The following SGPP2 variants were observed in gnomAD, a reference collection of about 807,000 sequenced individuals.
SGPP2 encodes sphingosine 1-phosphate phosphohydrolase 2.
SGPP2 carries 30 observed loss-of-function variants against 33.9 expected under a neutral mutation model. The ratio of observed to expected loss-of-function variants is 0.89; its 90% CI spans 0.66 to 1.20. The LOEUF is 1.20. Ranked by LOEUF, SGPP2 falls within the 50% of genes most tolerant of loss-of-function variation. The pLI is 0.00. For synonymous variants in SGPP2, 233 were observed against 225.0 expected (o/e 1.04, Z -0.32); for missense variants, 458 against 532.1 (o/e 0.86, Z 1.37).
At chr2:222,463,358 C>T (rs1697694718) in intron 1 of SGPP2, among the ~76,000 whole-genome samples, 1 of 152,172 alleles carries the variant, frequency 6.6e-6, no homozygotes, top group African/African-American at 2.4e-5. Flanking sequence ...CGGCTGAGCA[C>T]AGTAGCCTAT....
intron 1 of SGPP2, among the ~76,000 whole-genome samples, chr2:222,456,663 C>G (rs1204545609): frequency 6.6e-6 from 1 of 152,204 alleles, no homozygotes; most frequent in African/African-American, 2.4e-5. Flanking sequence ...GGATGGATGA[C>G]AGATTCTAAG....
Position 222,476,722 on chromosome 2 carries a change from A to ATGTGTGTATATAGGTG in SGPP2, c.378+2008_378+2023dup, listed in dbSNP as rs1697939923. Among the ~76,000 whole-genome samples the ATGTGTGTATATAGGTG allele has an allele frequency of 6.6e-6, 1 of 150,844 alleles. No homozygotes were observed. The highest frequency in any genetic ancestry group is 6.6e-5 in the Admixed American group (1 of 15,164). On this transcript the variant is annotated intron_variant, in intron 2 of 4. Transcript: ENST00000321276. This position sits in a 1 kb window ranked among gnomAD's most constrained non-coding sequence, Gnocchi z 4.3. The stretch of plus-strand genomic sequence containing the variant: ...GTAAGGTATAACTGTATATATATGT[A>ATGTGTGTATATAGGTG]TGTGTGTATATAGGTGTGTGTGTAT...
intron 1 of SGPP2, among the ~76,000 whole-genome samples, chr2:222,447,828 A>G (rs1006930326): frequency 6.6e-6 from 1 of 152,208 alleles, no homozygotes; most frequent in African/African-American, 2.4e-5. Flanking sequence ...AGCCTCTTCA[A>G]TGCTGAGCTC....
At chr2:222,448,862 A>G (rs1244131847) in intron 1 of SGPP2, among the ~76,000 whole-genome samples, 1 of 152,198 alleles carries the variant, frequency 6.6e-6, no homozygotes, top group Non-Finnish European at 1.5e-5. Context: ...CCTAATTATG[A>G]CAGCAGTCCA....
At chr2:222,545,942 A>T (rs1689187504) in intron 4 of SGPP2, among the ~76,000 whole-genome samples, 1 of 152,176 alleles carries the variant, frequency 6.6e-6, no homozygotes, top group African/African-American at 2.4e-5. Flanking sequence ...GAATTGATGC[A>T]CGCTGATTGG....
chr2:222,485,526 T>C (rs967616914), intron 2 of SGPP2, among the ~76,000 whole-genome samples: 1 of 152,230 alleles, frequency 6.6e-6, no homozygotes, highest in Non-Finnish European at 1.5e-5. Context: ...GGCTTGTCAT[T>C]CCTGGGCCCA....
At chr2:222,426,209 C>CAAAA (rs59881994) in intron 1 of SGPP2, among the ~76,000 whole-genome samples, 24 of 58,656 alleles carry the variant, frequency 4.1e-4, no homozygotes, top group East Asian at 2.0e-3. Flanking sequence ...GACTCCGTCT[C>CAAAA]AAAAAAAAAA....
Position 222,559,156 on chromosome 2 carries a change from A to AC in SGPP2, c.*260dup, listed in dbSNP as rs1559180260. 8 of 56,688 alleles carry AC rather than the reference A, an allele frequency of 1.4e-4. 1 individual carries two copies. The highest frequency in any genetic ancestry group is 2.1e-4 in the Non-Finnish European group (7 of 32,638). The allele number at this position is 56,688 out of a possible 1,614,324, so 3.5% of individuals were successfully genotyped here. A position where few individuals can be genotyped will look rare whatever the true frequency, so the allele number is the denominator to read the frequency against. On this transcript the variant is annotated 3_prime_UTR_variant, in exon 5 of 5. Coordinates refer to ENST00000321276, the MANE Select transcript of SGPP2 (RefSeq NM_152386.4). ...ATAATCCGGATCTTTAAAGGCACAC[A>AC]CCGCGCCCCCCCCCCCCCCGCCCGG...
At chr2:222,453,037 T>C in intron 1 of SGPP2, 1 of 1,545,754 alleles carries the variant, frequency 6.5e-7, no homozygotes, top group Non-Finnish European at 8.9e-7. Flanking sequence ...ACTGGGACCT[T>C]GTCTTCCTTC....
intron 1 of SGPP2, among the ~76,000 whole-genome samples, chr2:222,430,988 A>G (rs1008566759): frequency 6.6e-6 from 1 of 152,128 alleles, no homozygotes; most frequent in Non-Finnish European, 1.5e-5. Context: ...AACAGAAAAA[A>G]AAAATTAGGT....
Position 222,550,338 on chromosome 2 carries a change from AT to A in SGPP2, c.649-8002del, listed in dbSNP as rs1181457196. 1.3e-5 allele frequency among the ~76,000 whole-genome samples: 2 copies of A among 152,082 alleles called. No homozygotes were observed. The highest frequency in any genetic ancestry group is 2.9e-5 in the Non-Finnish European group (2 of 67,992). ...GAAACACTTTGATTTTCACATTCTG[AT>A]TTTTTTCCTCCTTGATTTCATTTTA... On this transcript the variant is annotated intron_variant, in intron 4 of 4. Transcript: ENST00000321276. The surrounding 1 kb of genome is among the most constrained non-coding windows in gnomAD (Gnocchi z 4.5).
At chr2:222,518,609 T>TAATG (rs1478717216) in intron 2 of SGPP2, among the ~76,000 whole-genome samples, 1 of 152,176 alleles carries the variant, frequency 6.6e-6, no homozygotes, top group African/African-American at 2.4e-5. Flanking sequence ...ACTCCCCAGA[T>TAATG]AATGGTCAGT....
At chr2:222,462,411 C>T (rs911472949) in intron 1 of SGPP2, among the ~76,000 whole-genome samples, 5 of 152,094 alleles carry the variant, frequency 3.3e-5, no homozygotes, top group South Asian at 2.1e-4. Context: ...CTCATGCTCA[C>T]GTCAACACTG....
intron 3 of SGPP2, among the ~76,000 whole-genome samples, chr2:222,524,200 T>C (rs930151262): frequency 2.0e-5 from 3 of 152,272 alleles, no homozygotes; most frequent in African/African-American, 7.2e-5. Context: ...CATAGGGCTA[T>C]GTGAAGACTA....
chr2:222,493,714 T>C (rs2106112372), intron 2 of SGPP2, among the ~76,000 whole-genome samples: 1 of 152,332 alleles, frequency 6.6e-6, no homozygotes, highest in South Asian at 2.1e-4. Context: ...AAACTGAAGG[T>C]GAGACATTAA....
chr2:222,485,816 TC>T (rs1698097678), intron 2 of SGPP2, among the ~76,000 whole-genome samples: 1 of 152,204 alleles, frequency 6.6e-6, no homozygotes, highest in African/African-American at 2.4e-5. Flanking sequence ...TAGCAAGTGT[TC>T]CCCATGCTGG....
intron 1 of SGPP2, among the ~76,000 whole-genome samples, chr2:222,455,962 G>T (rs149975440): frequency 6.6e-6 from 1 of 151,940 alleles, no homozygotes; most frequent in Non-Finnish European, 1.5e-5. Flanking sequence ...GTCTATAGTC[G>T]CAGCAACTTG....
chr2:222,542,948 C>A (rs568095757), intron 4 of SGPP2, among the ~76,000 whole-genome samples: 1 of 152,150 alleles, frequency 6.6e-6, no homozygotes, highest in African/African-American at 2.4e-5. Flanking sequence ...TGCCACCATG[C>A]CCAGCTAATT....
intron 1 of SGPP2, among the ~76,000 whole-genome samples, chr2:222,425,927 G>A (rs1044293489): frequency 1.3e-5 from 2 of 152,114 alleles, no homozygotes; most frequent in Non-Finnish European, 2.9e-5. Context: ...CTACTCCAGA[G>A]AAATCCTCCT....
Sources: gnomAD v4.1 joint callset for allele counts (sites outside exome capture counted in the v4.1 genomes callset) on GRCh38, gnomAD v4.1.1 for gene constraint, Gnocchi (gnomAD v3.1) non-coding constraint, MANE v1.5 for transcripts, NCBI Gene and HGNC (gene_info 2026-07-23, HGNC 2026-07-21) for gene names.